ARHGEF10L: variants seen among roughly 807,000 people sequenced by gnomAD.
ARHGEF10L encodes Rho guanine nucleotide exchange factor 10 like, also known as rho guanine nucleotide exchange factor 10-like protein.
Under a neutral mutation model 141.2 loss-of-function variants are expected in ARHGEF10L, and 69 were observed. The observed-to-expected ratio is 0.49, with a 90% confidence interval of 0.40 to 0.60. The LOEUF (loss-of-function observed/expected upper bound fraction) is 0.60. Among genes scored for constraint, ARHGEF10L ranks in the 20% least tolerant of loss-of-function variants. The pLI, the probability that ARHGEF10L is intolerant of heterozygous loss-of-function variation, is 0.00. For missense variants in ARHGEF10L, 1,482 were observed against 1,734.3 expected (o/e 0.85, Z 2.58); for synonymous variants, 711 against 718.5 (o/e 0.99, Z 0.17).
At chr1:17,538,545 G>T (rs973777226), upstream of ARHGEF10L, among the ~76,000 whole-genome samples, 1 of 152,158 alleles carries the variant, frequency 6.6e-6, no homozygotes, top group Non-Finnish European at 1.5e-5. Flanking sequence ...TGCGTGGCCT[G>T]TGTGGCTTGT....
intron 1 of ARHGEF10L, among the ~76,000 whole-genome samples, chr1:17,568,146 C>T (rs922897406): frequency 6.6e-6 from 1 of 152,184 alleles, no homozygotes; most frequent in Non-Finnish European, 1.5e-5. Context: ...CTCTGGGACC[C>T]TTCAGCTCTA....
chr1:17,605,720 G>C (rs567318032), intron 6 of ARHGEF10L, among the ~76,000 whole-genome samples: 1 of 152,252 alleles, frequency 6.6e-6, no homozygotes. Flanking sequence ...GATGGAGGTG[G>C]TTGGGTGCAC....
At chr1:17,694,433 C>A (rs2065338383) in intron 27 of ARHGEF10L, 1 of 164,482 alleles carries the variant, frequency 6.1e-6, no homozygotes, top group Non-Finnish European at 1.3e-5. Context: ...CCACACCTGG[C>A]ATCCTCTCTG....
intron 4 of ARHGEF10L, among the ~76,000 whole-genome samples, chr1:17,589,028 C>T (rs748985408): frequency 6.6e-6 from 1 of 152,088 alleles, no homozygotes; most frequent in Non-Finnish European, 1.5e-5. Flanking sequence ...ACCCTGCCCT[C>T]TGTGCCTGGG....
At chr1:17,688,999 A>G (rs1462967582) in intron 27 of ARHGEF10L, among the ~76,000 whole-genome samples, 5 of 152,106 alleles carry the variant, frequency 3.3e-5, no homozygotes, top group African/African-American at 4.8e-5. Context: ...TGAGGCCCCA[A>G]GTGCTTATGT....
the ARHGEF10L span, among the ~76,000 whole-genome samples, chr1:17,524,311 AAAAAAAAG>A: frequency 1.9e-4 from 29 of 151,572 alleles, no homozygotes; most frequent in East Asian, 5.6e-3. Context: ...TCTCAAGAAA[AAAAAAAAG>A]AAAGACCTTG....
chr1:17,562,163 C>G (rs1488972075), intron 1 of ARHGEF10L, among the ~76,000 whole-genome samples: 1 of 152,176 alleles, frequency 6.6e-6, no homozygotes, highest in African/African-American at 2.4e-5. Flanking sequence ...ACCTGTAATC[C>G]CAGCACTTTG....
At chr1:17,605,773 G>C (rs1171818668) in intron 6 of ARHGEF10L, among the ~76,000 whole-genome samples, 1 of 152,172 alleles carries the variant, frequency 6.6e-6, no homozygotes, top group South Asian at 2.1e-4. Flanking sequence ...ATGCTGCCAG[G>C]GTTCCTCCTC....
rs1370549699 is a variant in ARHGEF10L at position 17,603,490 on chromosome 1, T to TC, written c.350-14dup. The stretch of plus-strand genomic sequence containing the variant: ...CCACAGCCCACGGTGGTGCTCTCTC[T>TC]CCCCACTTCCCTCCCAGTTGACCGG... On this transcript the variant is annotated splice_polypyrimidine_tract_variant and intron_variant, in intron 5 of 28. Transcript: ENST00000361221. The surrounding 1 kb of genome is among the most constrained non-coding windows in gnomAD (Gnocchi z 4.8). 1.1e-4 allele frequency: 180 copies of TC among 1,609,742 alleles called. No individual in the cohort carries two copies. The highest frequency in any genetic ancestry group is 1.5e-4 in the Non-Finnish European group (175 of 1,177,668).
At chr1:17,658,784 A>G (rs548306643) in intron 25 of ARHGEF10L, among the ~76,000 whole-genome samples, 1 of 145,726 alleles carries the variant, frequency 6.9e-6, no homozygotes, top group South Asian at 2.1e-4. Flanking sequence ...ACGGAAAGGA[A>G]AGAGTGTTGT....
chr1:17,675,461 G>A (rs1370417713), intron 26 of ARHGEF10L, among the ~76,000 whole-genome samples: 1 of 151,718 alleles, frequency 6.6e-6, no homozygotes, highest in Non-Finnish European at 1.5e-5. Flanking sequence ...GTGGGTGCAG[G>A]TGTGGGTACA....
intron 16 of ARHGEF10L, 48 bp from the exon 17 acceptor site, chr1:17,634,500 A>T: frequency 1.2e-6 from 2 of 1,613,768 alleles, no homozygotes; most frequent in Non-Finnish European, 1.7e-6. Context: ...CAGATTAGCC[A>T]CTCCATTGTA....
intron 8 of ARHGEF10L, among the ~76,000 whole-genome samples, chr1:17,613,651 C>T (rs758237027): frequency 2.6e-5 from 4 of 152,240 alleles, no homozygotes; most frequent in Non-Finnish European, 4.4e-5. Context: ...CCACACTATT[C>T]AGAGGAATCC....
At chr1:17,663,848 C>A (rs2062797863) in intron 25 of ARHGEF10L, among the ~76,000 whole-genome samples, 1 of 152,178 alleles carries the variant, frequency 6.6e-6, no homozygotes, top group East Asian at 1.9e-4. Flanking sequence ...GGGCCAGACC[C>A]CAAGTCTCCC....
intron 25 of ARHGEF10L, among the ~76,000 whole-genome samples, chr1:17,659,572 G>T (rs1165648846): frequency 6.6e-6 from 1 of 152,138 alleles, no homozygotes; most frequent in African/African-American, 2.4e-5. Context: ...AACTGCACCC[G>T]CATCAACCTC....
intron 26 of ARHGEF10L, among the ~76,000 whole-genome samples, chr1:17,681,988 T>TA (rs1311523760): frequency 2.8e-5 from 4 of 143,002 alleles, no homozygotes; most frequent in African/African-American, 8.2e-5. Flanking sequence ...ATTCCTAGAT[T>TA]TAAAAAAAAA....
At chr1:17,571,289 TC>T (rs2077988304) in intron 1 of ARHGEF10L, among the ~76,000 whole-genome samples, 1 of 152,030 alleles carries the variant, frequency 6.6e-6, no homozygotes, top group Non-Finnish European at 1.5e-5. Flanking sequence ...TGCTCCTCTC[TC>T]CCCATCCTGG....
At chr1:17,544,761 C>T (rs564248197) in intron 1 of ARHGEF10L, among the ~76,000 whole-genome samples, 9 of 151,966 alleles carry the variant, frequency 5.9e-5, no homozygotes, top group African/African-American at 1.9e-4. Flanking sequence ...TGAAGAAATA[C>T]CTGAGACTAG....
At chr1:17,634,363 G>C (rs922926678) in intron 16 of ARHGEF10L, 185 bp from the exon 17 acceptor site, 2 of 877,640 alleles carry the variant, frequency 2.3e-6, no homozygotes. Flanking sequence ...GTGAGACCCA[G>C]AGATGAAGGA....
Sources: gnomAD v4.1 joint callset for allele counts (sites outside exome capture counted in the v4.1 genomes callset) on GRCh38, gnomAD v4.1.1 for gene constraint, Gnocchi (gnomAD v3.1) non-coding constraint, MANE v1.5 for transcripts, NCBI Gene and HGNC (gene_info 2026-07-23, HGNC 2026-07-21) for gene names.